TULP4: variants seen among roughly 807,000 people sequenced by gnomAD.
TULP4 encodes the protein tubby-related protein 4.
A neutral mutation model predicts 129.0 loss-of-function variants in TULP4; 16 were observed. That is an observed-to-expected ratio of 0.12 (90% CI 0.08 to 0.19). TULP4 has a LOEUF of 0.19. Ranked by LOEUF, TULP4 falls within the 10% of genes least tolerant of loss-of-function variation. The pLI is 1.00. For synonymous variants in TULP4, 998 were observed against 854.0 expected, an observed-to-expected ratio of 1.17 and a Z score of -2.94; for missense variants, 1,842 against 2,059.1, an observed-to-expected ratio of 0.89 and a Z score of 2.04.
chr6:158,456,059 G>A (rs959967506), intron 5 of TULP4, among the ~76,000 whole-genome samples: 4 of 152,346 alleles, frequency 2.6e-5, no homozygotes, highest in Admixed American at 6.5e-5. Flanking sequence ...AGGCAATCAT[G>A]ATTAGTAGTA....
In TULP4 at chr6:158,363,412, G is replaced by A. The variant is rs1780846526; in HGVS notation, c.252+49144G>A. ...TTTTATTCACTTAGAGTACCAACTA[G>A]ATTTTTTTCAACTGTCATTTTGCTG... On this transcript the variant is annotated intron_variant, in intron 1 of 13. Transcript: ENST00000367097. 2.0e-5 allele frequency among the ~76,000 whole-genome samples: 3 copies of A among 152,152 alleles called. No individual in the cohort carries two copies. The South Asian group carries it at 6.2e-4, about 32-fold the overall frequency.
At chr6:158,405,348 A>G (rs1222784221) in intron 1 of TULP4, among the ~76,000 whole-genome samples, 1 of 152,194 alleles carries the variant, frequency 6.6e-6, no homozygotes, top group Non-Finnish European at 1.5e-5. Context: ...GAATTAGAAA[A>G]GACAGTTTGA....
At chr6:158,454,085 C>T (rs1016466975) in intron 5 of TULP4, among the ~76,000 whole-genome samples, 2 of 143,264 alleles carry the variant, frequency 1.4e-5, no homozygotes, top group African/African-American at 5.4e-5. Flanking sequence ...TATTACATAC[C>T]CTCTTTTGGG....
intron 1 of TULP4, among the ~76,000 whole-genome samples, chr6:158,330,489 CTCTT>C (rs1397591293): frequency 2.0e-5 from 3 of 152,226 alleles, no homozygotes; most frequent in African/African-American, 7.2e-5. Context: ...TACACTCTCT[CTCTT>C]TCTCTCTCTT....
chr6:158,270,947 C>T (rs563324408), intron 1 of TULP4, among the ~76,000 whole-genome samples: 1 of 152,106 alleles, frequency 6.6e-6, no homozygotes, highest in South Asian at 2.1e-4. Flanking sequence ...GTCAGGAGGT[C>T]AAGACCAGCC....
intron 1 of TULP4, among the ~76,000 whole-genome samples, chr6:158,241,523 A>G (rs1233321076): frequency 6.6e-6 from 1 of 151,608 alleles, no homozygotes; most frequent in Non-Finnish European, 1.5e-5. Context: ...CTGGCGGATC[A>G]CTCGCGGTTA....
intron 8 of TULP4, among the ~76,000 whole-genome samples, chr6:158,484,810 G>A (rs141794023): frequency 7.2e-5 from 11 of 152,346 alleles, no homozygotes; most frequent in Admixed American, 1.3e-4. Flanking sequence ...TAGCGCGTGC[G>A]CCTGTGTGTG....
intron 1 of TULP4, among the ~76,000 whole-genome samples, chr6:158,385,570 T>G (rs1777420570): frequency 6.6e-6 from 1 of 151,848 alleles, no homozygotes; most frequent in African/African-American, 2.4e-5. Flanking sequence ...GTTGTGAGGA[T>G]TCAACCAGTA....
intron 3 of TULP4, among the ~76,000 whole-genome samples, chr6:158,432,433 C>T (rs939768544): frequency 6.6e-6 from 1 of 152,178 alleles, no homozygotes; most frequent in Admixed American, 6.5e-5. Flanking sequence ...GGATGAGTCT[C>T]TTCCTGCTTC....
intron 1 of TULP4, among the ~76,000 whole-genome samples, chr6:158,363,997 A>T (rs55853394): frequency 3.3e-5 from 5 of 152,336 alleles, no homozygotes; most frequent in South Asian, 2.1e-4. Flanking sequence ...AAAATAAATT[A>T]AAAAAACCCA....
chr6:158,335,274 C>A (rs1257593606), intron 1 of TULP4, among the ~76,000 whole-genome samples: 22 of 121,560 alleles, frequency 1.8e-4, no homozygotes, highest in East Asian at 7.0e-4. Flanking sequence ...GAGACTGTCT[C>A]AAAAAAAAAA....
chr6:158,363,020 C>T (rs1051599034), intron 1 of TULP4, among the ~76,000 whole-genome samples: 1 of 137,112 alleles, frequency 7.3e-6, no homozygotes, highest in African/African-American at 2.8e-5. Flanking sequence ...CAAGATTGCG[C>T]GTCTGCACTC....
chr6:158,457,895 A>G (rs1335825289), intron 5 of TULP4, among the ~76,000 whole-genome samples: 3 of 150,220 alleles, frequency 2.0e-5, no homozygotes, highest in Non-Finnish European at 4.4e-5. Context: ...CCTTTTTTTC[A>G]GTCCTTGCAG....
At chr6:158,240,470 G>A (rs1473672848) in intron 1 of TULP4, among the ~76,000 whole-genome samples, 3 of 87,818 alleles carry the variant, frequency 3.4e-5, no homozygotes, top group Non-Finnish European at 7.8e-5. Context: ...CTGGGCGGAA[G>A]GCTGACCCCC....
Position 158,320,491 on chromosome 6 carries a change from G to A in TULP4, c.252+6223G>A, listed in dbSNP as rs148061087. Among the ~76,000 whole-genome samples the A allele has an allele frequency of 9.2e-3, 1,383 of 151,010 alleles. 11 individuals carry two copies. The highest frequency in any genetic ancestry group is 0.015 in the Non-Finnish European group (998 of 67,858). On this transcript the variant is annotated intron_variant, in intron 1 of 13. Transcript: ENST00000367097. ...TTGTTGCCCAGGCTGGAGTGCAATG[G>A]CGTAATCTTGGCTCACTGCAACCTC... is the stretch of plus-strand genomic sequence containing the variant.
At chr6:158,377,819 TA>T (rs1777228184) in intron 1 of TULP4, among the ~76,000 whole-genome samples, 1 of 152,250 alleles carries the variant, frequency 6.6e-6, no homozygotes, top group Non-Finnish European at 1.5e-5. Flanking sequence ...AGTTAAATTT[TA>T]TAATGGTTAT....
chr6:158,464,199 G>C (rs1287447284), intron 6 of TULP4, among the ~76,000 whole-genome samples: 3 of 152,218 alleles, frequency 2.0e-5, no homozygotes, highest in Non-Finnish European at 2.9e-5. Context: ...GCCTTAGGTA[G>C]TCAGGTCACA....
At chr6:158,377,986 C>T (rs1032244683) in intron 1 of TULP4, among the ~76,000 whole-genome samples, 8 of 152,148 alleles carry the variant, frequency 5.3e-5, no homozygotes, top group Non-Finnish European at 2.9e-5. Context: ...CTGCATTCAG[C>T]AAAACAGTTC....
rs545297782 is a variant in TULP4, at chr6:158,502,647, C to T, written c.2984C>T (p.Thr995Met). The change falls in exon 13 of 14, where the codon ACG (threonine) becomes ATG (methionine). Residue 995 changes from threonine (T) to methionine (M), a missense_variant. Coordinates refer to ENST00000367097, the MANE Select transcript of TULP4 (RefSeq NM_020245.5). ...CTGCGGAGGAACAACCGTGAGGCTACGCTCAAGATGGCCCAGCTGGCCGAC... is the reference window on the plus strand; with the variant it reads ...CTGCGGAGGAACAACCGTGAGGCTATGCTCAAGATGGCCCAGCTGGCCGAC... ...ATLRRNNREA[T>M]LKMAQLADSP... The T allele has an allele frequency of 4.1e-5, 65 of 1,578,132 alleles. No individual in the cohort carries two copies. Among genetic ancestry groups the T allele is most frequent in the East Asian group, 2.0e-4 (9 of 44,490 alleles).
Sources: allele counts gnomAD v4.1 joint callset (sites outside exome capture counted in the v4.1 genomes callset), GRCh38; gene constraint gnomAD v4.1.1; transcripts MANE v1.5; gene names NCBI Gene and HGNC (gene_info 2026-07-23, HGNC 2026-07-21).